Variants in RANBP17 observed in about 807,000 individuals in gnomAD.
RANBP17 encodes ran-binding protein 17.
A neutral mutation model predicts 141.2 loss-of-function variants in RANBP17; 158 were observed. The ratio of observed to expected loss-of-function variants is 1.12; its 90% confidence interval spans 0.98 to 1.28. The LOEUF (loss-of-function observed/expected upper bound fraction) is 1.28. RANBP17 is among the 50% of genes most tolerant of loss of function. The pLI is 0.00. For synonymous variants in RANBP17, 430 were observed against 450.0 expected (o/e 0.96, Z 0.56); for missense variants, 1,438 against 1,290.7 (o/e 1.11, Z -1.75).
At chr5:170,988,313 G>A (rs1015734176) in intron 14 of RANBP17, among the ~76,000 whole-genome samples, 2 of 150,636 alleles carry the variant, frequency 1.3e-5, no homozygotes, top group East Asian at 1.9e-4. Flanking sequence ...TAAGGGAGAG[G>A]GTGATAATTT....
chr5:170,893,506 G>C (rs1413934915), intron 4 of RANBP17, among the ~76,000 whole-genome samples: 1 of 152,090 alleles, frequency 6.6e-6, no homozygotes, highest in South Asian at 2.1e-4. Context: ...AAAGAAACAT[G>C]ATCTGGACTG....
intron 12 of RANBP17, among the ~76,000 whole-genome samples, chr5:170,930,742 G>A (rs1237749308): frequency 6.6e-6 from 1 of 152,030 alleles, no homozygotes; most frequent in Non-Finnish European, 1.5e-5. Flanking sequence ...ACATGAACTT[G>A]TCCTTTTTTA....
rs766976382 is a variant in RANBP17 at position 171,199,742 on chromosome 5, TCAA to T, written c.2119_2121del (p.Asn707del). 5 of 1,608,358 alleles carry T rather than the reference TCAA, an allele frequency of 3.1e-6. No individual in the cohort carries two copies. Among genetic ancestry groups the T allele is most frequent in the East Asian group, 2.2e-5 (1 of 44,784 alleles). On this transcript the variant is annotated inframe_deletion, in exon 19 of 28. Transcript: ENST00000523189. ...GCTTTTGAAACAGTATTACAAATAT[TCAA>T]CAACAACTTTAAACAAGAAGATGTA...
chr5:171,290,734 G>A (rs1327575162), intron 25 of RANBP17, among the ~76,000 whole-genome samples: 3 of 152,188 alleles, frequency 2.0e-5, no homozygotes, highest in African/African-American at 7.2e-5. Flanking sequence ...AAGTTAGATA[G>A]TTGTGAAGAG....
intron 4 of RANBP17, among the ~76,000 whole-genome samples, chr5:170,894,478 C>G (rs1165329752): frequency 2.3e-5 from 1 of 43,964 alleles, no homozygotes; most frequent in Non-Finnish European, 4.6e-5. Flanking sequence ...ATAGTTAGTA[C>G]GTGTTTTTTA....
chr5:170,948,312 A>T (rs1240997490), intron 12 of RANBP17, among the ~76,000 whole-genome samples: 1 of 152,170 alleles, frequency 6.6e-6, no homozygotes, highest in Non-Finnish European at 1.5e-5. Flanking sequence ...TGTGAAGGGT[A>T]TAAGAGAGAG....
intron 14 of RANBP17, among the ~76,000 whole-genome samples, chr5:170,996,072 T>A (rs1778798771): frequency 6.6e-6 from 1 of 152,096 alleles, no homozygotes; most frequent in Non-Finnish European, 1.5e-5. Flanking sequence ...CAGGGCCTGT[T>A]ATATACCTTC....
intron 24 of RANBP17, among the ~76,000 whole-genome samples, chr5:171,260,080 A>C (rs1766192684): frequency 6.6e-6 from 1 of 151,858 alleles, no homozygotes; most frequent in Non-Finnish European, 1.5e-5. Flanking sequence ...TGGGCAGATC[A>C]CTTGAGGTCA....
intron 1 of RANBP17, among the ~76,000 whole-genome samples, chr5:170,863,235 C>T (rs746694906): frequency 2.6e-5 from 4 of 152,092 alleles, no homozygotes; most frequent in Non-Finnish European, 4.4e-5. Flanking sequence ...TGGTGTACTG[C>T]AGAAAGTTGA....
intron 12 of RANBP17, among the ~76,000 whole-genome samples, chr5:170,932,306 G>A (rs1263234939): frequency 6.6e-6 from 1 of 152,104 alleles, no homozygotes; most frequent in Non-Finnish European, 1.5e-5. Flanking sequence ...GGAGATTTTG[G>A]GCTGAGACAG....
rs533453636 is a variant in RANBP17, at chr5:170,965,856, G to T, written c.1575-2386G>T. On this transcript the variant is annotated intron_variant, in intron 13 of 27. Transcript: ENST00000523189. The stretch of plus-strand genomic sequence containing the variant: ...ATGATGCCTCCAGCTTTGTTCTTTT[G>T]GCTTAGGATTGACTTGGTGACACAG... 3.3e-4 allele frequency among the ~76,000 whole-genome samples: 50 copies of T among 152,180 alleles called. 1 individual carries two copies. The South Asian group carries it at 1.0e-2, about 30-fold the overall frequency.
intron 14 of RANBP17, among the ~76,000 whole-genome samples, chr5:171,153,123 A>G (rs1263468173): frequency 2.0e-5 from 3 of 152,248 alleles, no homozygotes; most frequent in East Asian, 1.9e-4. Flanking sequence ...ATTATCACCT[A>G]TTTTCTCATT....
intron 14 of RANBP17, among the ~76,000 whole-genome samples, chr5:171,138,396 T>C (rs907524255): frequency 6.6e-6 from 1 of 152,014 alleles, no homozygotes; most frequent in Non-Finnish European, 1.5e-5. Flanking sequence ...GGCTAGATAG[T>C]TAATAAGTTG....
intron 14 of RANBP17, among the ~76,000 whole-genome samples, chr5:171,106,101 T>C (rs1230934029): frequency 1.3e-5 from 2 of 152,182 alleles, no homozygotes; most frequent in African/African-American, 4.8e-5. Flanking sequence ...TGGGTGACCA[T>C]GGTGGAATAG....
chr5:171,205,579 C>A lies in RANBP17; in HGVS notation c.2198C>A (p.Thr733Lys). ...CGAGGGATTGCCTTTGCACTGAACA[C>A]AAAGACCAGCTACACCATGCTGTTT... ...DLRGIAFALNTKTSYTMLFDW... is the reference protein window; with the variant it reads ...DLRGIAFALNKKTSYTMLFDW... Residue 733 changes from threonine to lysine, a missense_variant, in exon 20 of 28, where the codon ACA (threonine) becomes AAA (lysine). Transcript: ENST00000523189. 1 of 1,613,934 alleles carries A rather than the reference C, an allele frequency of 6.2e-7. No individual in the cohort carries two copies. Among genetic ancestry groups the A allele is most frequent in the Middle Eastern group, 1.7e-4 (1 of 6,056 alleles).
chr5:171,004,140 G>A (rs554783291), intron 14 of RANBP17, among the ~76,000 whole-genome samples: 2 of 152,222 alleles, frequency 1.3e-5, no homozygotes, highest in East Asian at 3.9e-4. Flanking sequence ...TGGGATACTG[G>A]CATTGTGTGG....
chr5:171,254,274 G>A (rs529611290), intron 24 of RANBP17, among the ~76,000 whole-genome samples: 3 of 151,430 alleles, frequency 2.0e-5, no homozygotes, highest in African/African-American at 7.3e-5. Context: ...AATTCCTGTA[G>A]TTGTTGGAAT....
chr5:171,112,520 A>G (rs1755311008), intron 14 of RANBP17, among the ~76,000 whole-genome samples: 1 of 152,030 alleles, frequency 6.6e-6, no homozygotes, highest in Non-Finnish European at 1.5e-5. Context: ...GACAGACAAT[A>G]CTATTTTGGC....
intron 14 of RANBP17, among the ~76,000 whole-genome samples, chr5:171,046,315 T>TC (rs1782584504): frequency 6.6e-6 from 1 of 151,670 alleles, no homozygotes; most frequent in Non-Finnish European, 1.5e-5. Flanking sequence ...TTCAAGCGAT[T>TC]CTCCTGCCTC....
Sources: gnomAD v4.1 joint callset for allele counts (sites outside exome capture counted in the v4.1 genomes callset) on GRCh38, gnomAD v4.1.1 for gene constraint, MANE v1.5 for transcripts, NCBI Gene and HGNC (gene_info 2026-07-23, HGNC 2026-07-21) for gene names.